Variants in SATB2 observed in about 807,000 individuals in gnomAD.
SATB2 encodes DNA-binding protein SATB2.
Under a neutral mutation model 73.4 loss-of-function variants are expected in SATB2, and 1 was observed. That is an observed-to-expected ratio of 0.01 (90% CI 0.00 to 0.06). The LOEUF (loss-of-function observed/expected upper bound fraction) is 0.06. SATB2 is among the 10% of genes least tolerant of loss of function. The probability of loss-of-function intolerance (pLI) is 1.00; values close to 1 mark genes in which losing one functional copy is unlikely to be tolerated. For synonymous variants in SATB2, 397 were observed against 367.0 expected (o/e 1.08, Z -0.93); for missense variants, 459 against 945.8 (o/e 0.49, Z 6.75).
chr2:199,337,515 T>A (rs1463029892), intron 7 of SATB2, among the ~76,000 whole-genome samples: 1 of 152,196 alleles, frequency 6.6e-6, no homozygotes, highest in East Asian at 1.9e-4. Flanking sequence ...ATGAAGGATT[T>A]TTTTCTTTCA....
chr2:199,432,510 A>C (rs1264232359), intron 3 of SATB2, among the ~76,000 whole-genome samples: 1 of 152,248 alleles, frequency 6.6e-6, no homozygotes, highest in East Asian at 1.9e-4. Flanking sequence ...CAGGACACTA[A>C]CATATAAACT....
chr2:199,363,907 T>C (rs1171155894), intron 6 of SATB2, among the ~76,000 whole-genome samples: 2 of 152,200 alleles, frequency 1.3e-5, no homozygotes, highest in African/African-American at 4.8e-5. Flanking sequence ...TACAGAACAC[T>C]TCATTTAGAT....
intron 7 of SATB2, among the ~76,000 whole-genome samples, chr2:199,341,058 A>G (rs1688492185): frequency 6.6e-6 from 1 of 152,198 alleles, no homozygotes; most frequent in South Asian, 2.1e-4. Context: ...TCCCTCAGTA[A>G]TATTAAGTCT....
chr2:199,429,869 C>T (rs1691448512), intron 3 of SATB2, among the ~76,000 whole-genome samples: 1 of 152,188 alleles, frequency 6.6e-6, no homozygotes, highest in Admixed American at 6.5e-5. Context: ...AAGATCGTGC[C>T]CCTGCACTCC....
chr2:199,407,985 T>C (rs540963772), intron 3 of SATB2, among the ~76,000 whole-genome samples: 1 of 152,304 alleles, frequency 6.6e-6, no homozygotes, highest in Non-Finnish European at 1.5e-5. Flanking sequence ...CATGATCCTG[T>C]CCTTTTATCA....
rs770911791 is a variant in SATB2 at position 199,456,046 on chromosome 2, G to T, written c.-9C>A. ...TCGCTCCGCCGCTCCATGCTGCTCC[G>T]ACTCGGAGACAAAGTTCCCACCGGC... On this transcript the variant is annotated 5_prime_UTR_variant, in exon 2 of 11. Transcript: ENST00000417098. 1 of 1,354,512 alleles carries T rather than the reference G, an allele frequency of 7.4e-7. No homozygotes were observed. The highest frequency in any genetic ancestry group is 9.7e-7 in the Non-Finnish European group (1 of 1,031,546). 83.9% of individuals were successfully genotyped at this position (1,354,512 alleles called of 1,614,324 possible). A position where few individuals can be genotyped will look rare whatever the true frequency, so the allele number is the denominator to read the frequency against.
At chr2:199,335,741 A>G (rs1404354755) in intron 7 of SATB2, among the ~76,000 whole-genome samples, 1 of 152,218 alleles carries the variant, frequency 6.6e-6, no homozygotes, top group Non-Finnish European at 1.5e-5. Context: ...CTTTTCATCC[A>G]GCCTGCTGAA....
At chr2:199,374,285 C>T (rs552755405) in intron 5 of SATB2, among the ~76,000 whole-genome samples, 5 of 152,242 alleles carry the variant, frequency 3.3e-5, no homozygotes, top group South Asian at 2.1e-4. Flanking sequence ...CATGTCTACA[C>T]GCTAAGTAAA....
intron 10 of SATB2, among the ~76,000 whole-genome samples, chr2:199,281,064 C>T (rs1195398281): frequency 8.6e-5 from 13 of 151,860 alleles, no homozygotes; most frequent in African/African-American, 1.7e-4. Context: ...TCAGACTGGC[C>T]GACACTTAGG....
intron 3 of SATB2, among the ~76,000 whole-genome samples, chr2:199,421,217 G>A (rs937195578): frequency 6.6e-6 from 1 of 152,106 alleles, no homozygotes; most frequent in African/African-American, 2.4e-5. Context: ...TATGCTATAA[G>A]AAAGACTATG....
intron 2 of SATB2, among the ~76,000 whole-genome samples, chr2:199,448,787 T>G (rs1171508158): frequency 6.6e-6 from 1 of 152,106 alleles, no homozygotes; most frequent in Non-Finnish European, 1.5e-5. Context: ...TTGCAGTGCC[T>G]CCCCTTAATT....
intron 5 of SATB2, among the ~76,000 whole-genome samples, chr2:199,376,746 G>T (rs1001872589): frequency 1.3e-5 from 2 of 152,152 alleles, no homozygotes; most frequent in Non-Finnish European, 2.9e-5. Flanking sequence ...TGAGATAAGT[G>T]CTGTGACAGG....
At chr2:199,465,010 A>G (rs1269969144) in exon 1 of SATB2, 1 of 152,186 alleles carries the variant, frequency 6.6e-6, no homozygotes, top group Non-Finnish European at 1.5e-5. Flanking sequence ...AAATTTTACG[A>G]GGGGAACTTT....
intron 3 of SATB2, among the ~76,000 whole-genome samples, chr2:199,398,882 G>A (rs1690382872): frequency 6.6e-6 from 1 of 152,196 alleles, no homozygotes; most frequent in Admixed American, 6.5e-5. Flanking sequence ...CAGTGGGTAA[G>A]AGAGTAACTC....
rs963361337 is a variant in SATB2, at chr2:199,361,079, T to C, written c.700+7526A>G. ...TGCTCTCCTCTTTAAGGAATGTTCA[T>C]TTGGTACCATTTCAATTGTCATCCA... On this transcript the variant is annotated intron_variant, in intron 6 of 10. Coordinates refer to ENST00000417098, the MANE Select transcript of SATB2 (RefSeq NM_001172509.2). 1.6e-4 allele frequency among the ~76,000 whole-genome samples: 24 copies of C among 152,166 alleles called. 1 individual carries two copies. The highest frequency in any genetic ancestry group is 5.3e-4 in the African/African-American group (22 of 41,460).
chr2:199,413,123 T>A (rs1157653475), intron 3 of SATB2, among the ~76,000 whole-genome samples: 1 of 152,224 alleles, frequency 6.6e-6, no homozygotes, highest in Non-Finnish European at 1.5e-5. Context: ...AAACATTTTT[T>A]AATAAAATGT....
chr2:199,382,601 T>C (rs1689812770), intron 3 of SATB2, among the ~76,000 whole-genome samples: 1 of 152,336 alleles, frequency 6.6e-6, no homozygotes, highest in African/African-American at 2.4e-5. Context: ...TAGAGGAAGA[T>C]TCATGGGATG....
intron 6 of SATB2, among the ~76,000 whole-genome samples, chr2:199,356,649 C>T (rs1346531812): frequency 1.3e-5 from 2 of 152,078 alleles, no homozygotes; most frequent in Admixed American, 6.6e-5. Context: ...GCTCTCGCCT[C>T]GTAATAAGAA....
chr2:199,302,430 T>C (rs1687311844), intron 10 of SATB2, among the ~76,000 whole-genome samples: 1 of 152,186 alleles, frequency 6.6e-6, no homozygotes, highest in Admixed American at 6.5e-5. Context: ...GTTGAATAAA[T>C]ACATACAGAA....
Sources: gnomAD v4.1 joint callset for allele counts (sites outside exome capture counted in the v4.1 genomes callset) on GRCh38, gnomAD v4.1.1 for gene constraint, MANE v1.5 for transcripts, NCBI Gene and HGNC (gene_info 2026-07-23, HGNC 2026-07-21) for gene names.